EP300: variants seen among roughly 807,000 people sequenced by gnomAD.
The protein encoded by EP300 is EP300 lysine acetyltransferase, also known as histone acetyltransferase p300.
In EP300, 31 loss-of-function variants were observed where a neutral mutation model predicts 264.0. The observed-to-expected ratio is 0.12, with a 90% confidence interval of 0.09 to 0.16. The LOEUF is 0.16. Among genes scored for constraint, EP300 ranks in the 10% least tolerant of loss-of-function variants. EP300 has a pLI of 1.00. For synonymous variants in EP300, 1,340 were observed against 1,045.4 expected (o/e 1.28, Z -5.44); for missense variants, 2,766 against 3,052.9 (o/e 0.91, Z 2.21).
Position 41,137,723 on chromosome 22 carries a change from A to G in EP300, c.1693A>G (p.Thr565Ala), listed in dbSNP as rs769554031. 6.2e-7 allele frequency: 1 copy of G among 1,614,192 alleles called. No homozygotes were observed. The highest frequency in any genetic ancestry group is 1.1e-5 in the South Asian group (1 of 91,082). ...PMPTAAQPST[T>A]GIRKQWHEDI... ...GCCAACAGCAGCTCAACCATCCACT[A>G]CTGGAATTCGGAAACAGTGGCACGA... is the stretch of plus-strand genomic sequence containing the variant. The change falls in exon 8 of 31, where the codon ACT becomes GCT. Residue 565 changes from threonine (T) to alanine (A), a missense_variant. Coordinates refer to ENST00000263253, the MANE Select transcript of EP300 (RefSeq NM_001429.4).
chr22:41,142,533 G>C (rs1171027614), intron 10 of EP300, among the ~76,000 whole-genome samples: 4 of 152,146 alleles, frequency 2.6e-5, no homozygotes, highest in Non-Finnish European at 5.9e-5. Flanking sequence ...AAAAAGTCAA[G>C]ATTAGAGTTG....
intron 4 of EP300, among the ~76,000 whole-genome samples, chr22:41,129,176 A>AT (rs59161129): frequency 0.27 from 40,748 of 151,230 alleles, 6,457 homozygotes; most frequent in East Asian, 0.54. Context: ...ATGGCGGCTA[A>AT]TTTTTTTTGT....
intron 2 of EP300, among the ~76,000 whole-genome samples, chr22:41,123,422 A>AT (rs1451601664): frequency 6.6e-6 from 1 of 152,104 alleles, no homozygotes; most frequent in Non-Finnish European, 1.5e-5. Flanking sequence ...TGTGGGGTTG[A>AT]TTTTTTTCTT....
At chr22:41,164,733 T>C (rs2059125567) in intron 22 of EP300, among the ~76,000 whole-genome samples, 1 of 151,902 alleles carries the variant, frequency 6.6e-6, no homozygotes, top group Non-Finnish European at 1.5e-5. Context: ...AAGTAAATGC[T>C]TTTGTTCCGG....
chr22:41,157,107 T>TA, intron 17 of EP300, 62 bp from the exon 18 acceptor site: 1 of 1,603,344 alleles, frequency 6.2e-7, no homozygotes, highest in South Asian at 1.1e-5. Flanking sequence ...TAATGGATGA[T>TA]ACTCCATCTC....
chr22:41,132,946 A>T (rs776723586), intron 6 of EP300, among the ~76,000 whole-genome samples: 1 of 152,194 alleles, frequency 6.6e-6, no homozygotes, highest in African/African-American at 2.4e-5. Flanking sequence ...GATAAAATCA[A>T]ACAGCTTTTT....
intron 28 of EP300, 136 bp from the exon 29 acceptor site, chr22:41,173,487 G>A (rs1239062456): frequency 1.2e-5 from 11 of 949,100 alleles, no homozygotes; most frequent in Non-Finnish European, 1.8e-5. Context: ...AAGAATAAGT[G>A]AAGAGAACAG....
chr22:41,131,114 A>G (rs969883816), intron 5 of EP300, among the ~76,000 whole-genome samples: 3 of 152,196 alleles, frequency 2.0e-5, no homozygotes, highest in Admixed American at 1.3e-4. Flanking sequence ...AATGGCTCCA[A>G]AGCATTCATA....
intron 17 of EP300, among the ~76,000 whole-genome samples, chr22:41,155,449 G>A (rs2059071715): frequency 6.6e-6 from 1 of 152,108 alleles, no homozygotes; most frequent in African/African-American, 2.4e-5. Flanking sequence ...GCCCAGGCTG[G>A]TCTTGAACGC....
intron 7 of EP300, 88 bp from the exon 8 acceptor site, chr22:41,137,565 C>G (rs911795338): frequency 6.5e-7 from 1 of 1,536,794 alleles, no homozygotes; most frequent in Non-Finnish European, 9.0e-7. Flanking sequence ...CATATTGATT[C>G]CATTACAATA....
intron 8 of EP300, 91 bp from the exon 9 acceptor site, chr22:41,140,048 TC>T: frequency 1.1e-6 from 1 of 877,982 alleles, no homozygotes; most frequent in Non-Finnish European, 1.9e-6. Context: ...CATTATTTTT[TC>T]TTTTCCTCTA....
At chr22:41,103,172 G>T (rs771281392) in intron 1 of EP300, among the ~76,000 whole-genome samples, 2 of 152,106 alleles carry the variant, frequency 1.3e-5, no homozygotes, top group Non-Finnish European at 1.5e-5. Flanking sequence ...AATAAATTGG[G>T]GAGCATAGGA....
intron 13 of EP300, among the ~76,000 whole-genome samples, chr22:41,149,539 C>T (rs1190268121): frequency 6.6e-6 from 1 of 152,120 alleles, no homozygotes; most frequent in Non-Finnish European, 1.5e-5. Flanking sequence ...TGGCTGAGGC[C>T]ATTCTGCTGA....
chr22:41,154,516 G>A lies in EP300; in HGVS notation c.3143-479G>A, dbSNP rs189133038. 1.7e-3 allele frequency among the ~76,000 whole-genome samples: 264 copies of A among 151,314 alleles called. 3 individuals carry two copies. Among genetic ancestry groups the A allele is most frequent in the South Asian group, 3.1e-3 (15 of 4,784 alleles). ...CTTGCCTCAAGCCTCCTGAGTAGCT[G>A]AGACTAGCATGCCACCATGTCCGAC... On this transcript the variant is annotated intron_variant, in intron 16 of 30. Transcript: ENST00000263253.
chr22:41,158,152 G>A (rs1427217176), intron 18 of EP300, among the ~76,000 whole-genome samples: 1 of 152,228 alleles, frequency 6.6e-6, no homozygotes, highest in African/African-American at 2.4e-5. Flanking sequence ...GAGCACTGCA[G>A]GCATGTGCCA....
chr22:41,146,833 AT>A lies in EP300; in HGVS notation c.2131+24del, dbSNP rs766192274. On this transcript the variant is annotated intron_variant, in intron 11 of 30. Coordinates refer to ENST00000263253, the MANE Select transcript of EP300 (RefSeq NM_001429.4). ...CACAATCTGGTAAATAGTGAAAAAA[AT>A]TTTTTTATTTTAAAAGAATCCCCGG... 3 of 1,608,976 alleles carry A rather than the reference AT, an allele frequency of 1.9e-6. No homozygotes were observed. Among genetic ancestry groups the A allele is most frequent in the Middle Eastern group, 1.7e-4 (1 of 6,016 alleles).
Position 41,178,038 on chromosome 22 carries a change from G to C in EP300, c.6327G>C (p.Gly2109=), listed in dbSNP as rs753914529. The C allele has an allele frequency of 6.2e-7, 1 of 1,614,114 alleles. No individual in the cohort carries two copies. Among genetic ancestry groups the C allele is most frequent in the East Asian group, 2.2e-5 (1 of 44,854 alleles). ...CTGGGCAGCCTGGCATGCCCCAGGGGCAGCCAGGGCTACAGCCACCTACCA... is the reference window on the plus strand; with the variant it reads ...CTGGGCAGCCTGGCATGCCCCAGGGCCAGCCAGGGCTACAGCCACCTACCA... The part of the protein sequence containing the change: ...PIPGQPGMPQ[G]QPGLQPPTMP... The change falls in exon 31 of 31, where the codon GGG becomes GGC. Residue 2109 remains glycine (G), a synonymous_variant. Transcript: ENST00000263253.
At chr22:41,095,548 A>T (rs1390472473) in intron 1 of EP300, among the ~76,000 whole-genome samples, 14 of 145,886 alleles carry the variant, frequency 9.6e-5, no homozygotes, top group Admixed American at 9.6e-4. Flanking sequence ...TATATCTTGA[A>T]TTTTTTTTTT....
intron 2 of EP300, among the ~76,000 whole-genome samples, chr22:41,122,157 CTTTTTTTT>C (rs71328774): frequency 1.3e-3 from 46 of 35,876 alleles, no homozygotes; most frequent in African/African-American, 3.1e-3. Context: ...TCTTCTTCTT[CTTTTTTTT>C]TTTTTTTTTT....
Sources: allele counts gnomAD v4.1 joint callset (sites outside exome capture counted in the v4.1 genomes callset), GRCh38; gene constraint gnomAD v4.1.1; transcripts MANE v1.5; gene names NCBI Gene and HGNC (gene_info 2026-07-23, HGNC 2026-07-21).